The following PAXIP1 variants were observed in gnomAD, a reference collection of about 807,000 sequenced individuals.
PAXIP1 encodes PAX interacting protein 1.
PAXIP1 carries 19 observed loss-of-function variants against 140.6 expected under a neutral mutation model. That is an observed-to-expected ratio of 0.14 (90% CI 0.09 to 0.20). The LOEUF (loss-of-function observed/expected upper bound fraction) is 0.20. Among genes scored for constraint, PAXIP1 ranks in the 10% least tolerant of loss-of-function variants. The probability of loss-of-function intolerance (pLI) is 1.00; values close to 1 mark genes in which losing one functional copy is unlikely to be tolerated. For missense variants in PAXIP1, 920 were observed against 1,208.6 expected, an observed-to-expected ratio of 0.76 and a Z score of 3.54; for synonymous variants, 442 against 444.6, an observed-to-expected ratio of 0.99 and a Z score of 0.07.
chr7:154,971,506 C>T (rs1809326634), intron 6 of PAXIP1, among the ~76,000 whole-genome samples: 1 of 152,204 alleles, frequency 6.6e-6, no homozygotes, highest in South Asian at 2.1e-4. Context: ...GAGATGCCTC[C>T]CAAAACCCCT....
At position 154,992,837 on chromosome 7, in the gene PAXIP1, T is replaced by C. The variant is rs1050195302; in HGVS notation, c.260+889A>G. Among the ~76,000 whole-genome samples the C allele has an allele frequency of 3.9e-5, 6 of 152,336 alleles. No individual in the cohort carries two copies. The East Asian group carries it at 1.2e-3, about 29-fold the overall frequency. ...CTACACATCCTCCAAGAAGAACTGCTTGTAGAGGAATGTTTTCCCTATTTC... is the reference window on the plus strand; with the variant it reads ...CTACACATCCTCCAAGAAGAACTGCCTGTAGAGGAATGTTTTCCCTATTTC... On this transcript the variant is annotated intron_variant, in intron 3 of 20. Transcript: ENST00000404141.
intron 13 of PAXIP1, among the ~76,000 whole-genome samples, chr7:154,958,423 A>G (rs1808623324): frequency 6.6e-6 from 1 of 152,190 alleles, no homozygotes; most frequent in African/African-American, 2.4e-5. Context: ...TTCAACTACA[A>G]CTTATTTTTT....
Position 154,954,259 on chromosome 7 carries a change from G to C in PAXIP1, c.2817C>G (p.Phe939Leu). 2 of 1,534,344 alleles carry C rather than the reference G, an allele frequency of 1.3e-6. No homozygotes were observed. The highest frequency in any genetic ancestry group is 1.8e-6 in the Non-Finnish European group (2 of 1,126,528). The part of the protein sequence containing the change: ...WLEECFRCQK[F>L]IDEQNYILRD... ...GTTACTGGCGCTGCTCCTTACCAAT[G>C]AACTTCTGACACCTGAAGCATTCTT... The change falls in exon 16 of 21, where the codon TTC becomes TTG. Residue 939 changes from phenylalanine (F) to leucine (L), a missense_variant. Transcript: ENST00000404141. This position sits in a 1 kb window ranked among gnomAD's most constrained non-coding sequence, Gnocchi z 5.1.
At chr7:154,976,453 T>C (rs1809584193) in intron 5 of PAXIP1, 122 bp from the exon 6 acceptor site, 2 of 1,308,676 alleles carry the variant, frequency 1.5e-6, no homozygotes, top group African/African-American at 2.9e-5. Flanking sequence ...CAACTATTAT[T>C]ACAATTTTAT....
chr7:154,966,514 T>A (rs911846717), intron 8 of PAXIP1, among the ~76,000 whole-genome samples: 2 of 152,250 alleles, frequency 1.3e-5, no homozygotes, highest in African/African-American at 4.8e-5. Flanking sequence ...CTTGGATAAA[T>A]CTTTTAACTT....
At chr7:154,995,365 T>A (rs1196227849) in intron 2 of PAXIP1, among the ~76,000 whole-genome samples, 1 of 152,164 alleles carries the variant, frequency 6.6e-6, no homozygotes, top group African/African-American at 2.4e-5. Context: ...GGGTAGGGTA[T>A]CCCAGTTTAA....
At chr7:154,978,067 C>T (rs937548152) in intron 5 of PAXIP1, among the ~76,000 whole-genome samples, 5 of 152,126 alleles carry the variant, frequency 3.3e-5, no homozygotes, top group African/African-American at 1.2e-4. Flanking sequence ...AATCTTGCTT[C>T]TCCTGAACTT....
At position 154,984,433 on chromosome 7, in the gene PAXIP1, T is replaced by A. The variant is rs1475677660; in HGVS notation, c.325-1101A>T. 3.3e-5 allele frequency among the ~76,000 whole-genome samples: 5 copies of A among 152,242 alleles called. No homozygotes were observed. The East Asian group carries it at 9.6e-4, about 29-fold the overall frequency. On this transcript the variant is annotated intron_variant, in intron 4 of 20. Coordinates refer to ENST00000404141, the MANE Select transcript of PAXIP1 (RefSeq NM_007349.4). ...TGTCTCGTTAATTTTTTAAAAGTATTGATAATAGCATGTTAATCTCTTTTT... is the reference window on the plus strand; with the variant it reads ...TGTCTCGTTAATTTTTTAAAAGTATAGATAATAGCATGTTAATCTCTTTTT...
intron 16 of PAXIP1, chr7:154,949,686 G>C (rs1428737822): frequency 6.6e-6 from 1 of 152,186 alleles, no homozygotes; most frequent in Admixed American, 6.5e-5. Flanking sequence ...GATCTCTTGA[G>C]GTCAGGAGTT....
Position 154,973,262 on chromosome 7 carries a change from C to T in PAXIP1, c.1074+2434G>A, listed in dbSNP as rs973603240. Among the ~76,000 whole-genome samples, 4 of 152,186 alleles carry T rather than the reference C, an allele frequency of 2.6e-5. No homozygotes were observed. The highest frequency in any genetic ancestry group is 7.2e-5 in the African/African-American group (3 of 41,514). ...GGTCAGTGGCAGGCCTGTTTTCCTC[C>T]GGGACCCAACAAGGTGACATGGAGC... On this transcript the variant is annotated intron_variant, in intron 6 of 20. Coordinates refer to ENST00000404141, the MANE Select transcript of PAXIP1 (RefSeq NM_007349.4). This position sits in a 1 kb window ranked among gnomAD's most constrained non-coding sequence, Gnocchi z 4.0.
At chr7:154,985,946 A>G (rs1355723931) in intron 4 of PAXIP1, 1 of 1,201,014 alleles carries the variant, frequency 8.3e-7, no homozygotes, top group Non-Finnish European at 1.1e-6. Flanking sequence ...AGGACTTTTT[A>G]GTCTTCTAGA....
Position 154,969,902 on chromosome 7 carries a change from G to C in PAXIP1, c.1075-776C>G, listed in dbSNP as rs1029504410. Among the ~76,000 whole-genome samples the C allele has an allele frequency of 4.6e-5, 7 of 152,214 alleles. 1 individual carries two copies. Among genetic ancestry groups the C allele is most frequent in the Admixed American group, 3.9e-4 (6 of 15,290 alleles). ...CAAAAATGACTGAGTCTTCATGGGGGACACAAAAATATTTCAAGCTAGAAA... is the reference window on the plus strand; with the variant it reads ...CAAAAATGACTGAGTCTTCATGGGGCACACAAAAATATTTCAAGCTAGAAA... On this transcript the variant is annotated intron_variant, in intron 6 of 20. Coordinates refer to ENST00000404141, the MANE Select transcript of PAXIP1 (RefSeq NM_007349.4).
chr7:154,985,005 A>G (rs1810006685), intron 4 of PAXIP1, among the ~76,000 whole-genome samples: 1 of 152,200 alleles, frequency 6.6e-6, no homozygotes, highest in South Asian at 2.1e-4. Flanking sequence ...CGACGCCTCC[A>G]ATAACTCGCT....
chr7:154,951,485 T>G (rs1285677933), intron 16 of PAXIP1: 1 of 152,204 alleles, frequency 6.6e-6, no homozygotes, highest in Non-Finnish European at 1.5e-5. Context: ...ATTGTCTATT[T>G]TTAAAAAACA....
intron 10 of PAXIP1, among the ~76,000 whole-genome samples, 199 bp from the exon 11 acceptor site, chr7:154,961,847 C>T (rs746210930): frequency 7.2e-5 from 11 of 152,148 alleles, no homozygotes; most frequent in African/African-American, 1.9e-4. Context: ...ATAGCCCTCA[C>T]GGGGAGGAAG....
At position 154,946,616 on chromosome 7, in the gene PAXIP1, G is replaced by T; in HGVS notation, c.3058-29C>A. 6.2e-7 allele frequency: 1 copy of T among 1,613,062 alleles called. No homozygotes were observed. Among genetic ancestry groups the T allele is most frequent in the South Asian group, 1.1e-5 (1 of 91,014 alleles). On this transcript the variant is annotated intron_variant, in intron 18 of 20. Coordinates refer to ENST00000404141, the MANE Select transcript of PAXIP1 (RefSeq NM_007349.4). The surrounding 1 kb of genome is among the most constrained non-coding windows in gnomAD (Gnocchi z 4.9). ...AGGAAAAGAAAATGAGTTTCTCAGT[G>T]ACCGAACGCTGAATGTGATACAGGG...
intron 4 of PAXIP1, among the ~76,000 whole-genome samples, chr7:154,990,451 G>T (rs1389733063): frequency 1.3e-5 from 2 of 152,296 alleles, no homozygotes; most frequent in East Asian, 1.9e-4. Flanking sequence ...TCCCATTCCT[G>T]CCGGCAGGAA....
At position 154,946,221 on chromosome 7, in the gene PAXIP1, G is replaced by C. The variant is rs1304209507; in HGVS notation, c.3194+144C>G. The C allele has an allele frequency of 1.0e-5, 15 of 1,472,330 alleles. No individual in the cohort carries two copies. Among genetic ancestry groups the C allele is most frequent in the Non-Finnish European group, 1.3e-5 (14 of 1,114,968 alleles). 91.2% of individuals were successfully genotyped at this position (1,472,330 alleles called of 1,614,324 possible). Reference sequence around the variant, plus strand: ...GCAACTCAAATGAATATTCTGAAGAGAAAAGAATTGTTCACTGCATAAATC... The same window carrying C: ...GCAACTCAAATGAATATTCTGAAGACAAAAGAATTGTTCACTGCATAAATC... On this transcript the variant is annotated intron_variant, in intron 20 of 20. Coordinates refer to ENST00000404141, the MANE Select transcript of PAXIP1 (RefSeq NM_007349.4). The surrounding 1 kb of genome is among the most constrained non-coding windows in gnomAD (Gnocchi z 4.9).
chr7:154,980,371 C>T (rs398446), intron 5 of PAXIP1, among the ~76,000 whole-genome samples: 89,652 of 151,746 alleles, frequency 0.59, 26,581 homozygotes, highest in Admixed American at 0.67. Flanking sequence ...ATATTGATGA[C>T]TGTAATATAT....
Sources: allele counts gnomAD v4.1 joint callset (sites outside exome capture counted in the v4.1 genomes callset), GRCh38; gene constraint gnomAD v4.1.1; non-coding constraint Gnocchi (gnomAD v3.1); transcripts MANE v1.5; gene names NCBI Gene and HGNC (gene_info 2026-07-23, HGNC 2026-07-21).